The following RAD21 variants were observed in gnomAD, a reference collection of about 807,000 sequenced individuals.
The protein encoded by RAD21 is RAD21 cohesin complex component.
A neutral mutation model predicts 71.5 loss-of-function variants in RAD21; 18 were observed. The ratio of observed to expected loss-of-function variants is 0.25; its 90% confidence interval spans 0.17 to 0.37. The LOEUF (loss-of-function observed/expected upper bound fraction) is 0.37. RAD21 is among the 10% of genes least tolerant of loss of function. The probability of loss-of-function intolerance (pLI) is 1.00; values close to 1 mark genes in which losing one functional copy is unlikely to be tolerated. For missense variants in RAD21, 493 were observed against 769.1 expected, an observed-to-expected ratio of 0.64 and a Z score of 4.25; for synonymous variants, 248 against 254.0, an observed-to-expected ratio of 0.98 and a Z score of 0.22.
rs993299167 is a variant in RAD21, at chr8:116,847,261, T to G, written c.*239A>C. On this transcript the variant is annotated 3_prime_UTR_variant, in exon 14 of 14. Coordinates refer to ENST00000297338, the MANE Select transcript of RAD21 (RefSeq NM_006265.3). ...TCTGTTCTGAACTGTTAAAATCATC[T>G]TCTGAGTCCTTGGGGTGCTGTTTTC... The G allele has an allele frequency of 1.6e-5, 7 of 431,448 alleles. No individual in the cohort carries two copies. The highest frequency in any genetic ancestry group is 2.9e-5 in the Non-Finnish European group (7 of 242,472). 26.7% of individuals were successfully genotyped at this position (431,448 alleles called of 1,614,324 possible).
At chr8:116,853,940 T>G (rs1488811914) in intron 9 of RAD21, among the ~76,000 whole-genome samples, 1 of 152,184 alleles carries the variant, frequency 6.6e-6, no homozygotes, top group African/African-American at 2.4e-5. Context: ...ATTTCAAGAA[T>G]TCAGATGTAA....
At chr8:116,848,224 T>G (rs893961401) in intron 13 of RAD21, among the ~76,000 whole-genome samples, 6 of 152,220 alleles carry the variant, frequency 3.9e-5, no homozygotes, top group Admixed American at 2.6e-4. Flanking sequence ...GGACAAAGAT[T>G]GCACTTTTTT....
chr8:116,851,378 A>G (rs1260770327), intron 11 of RAD21: 1 of 152,252 alleles, frequency 6.6e-6, no homozygotes, highest in East Asian at 1.9e-4. Context: ...TTGGCAGAGT[A>G]TTCTTGATGG....
At chr8:116,854,799 T>G (rs917643531) in intron 8 of RAD21, among the ~76,000 whole-genome samples, 1 of 152,230 alleles carries the variant, frequency 6.6e-6, no homozygotes, top group Non-Finnish European at 1.5e-5. Flanking sequence ...TCTTCAGAGT[T>G]GGGCTCATTT....
In RAD21 at chr8:116,847,632, C is replaced by A. The variant is rs200021994; in HGVS notation, c.1764G>T (p.Thr588=). The change falls in exon 14 of 14, where the codon ACG becomes ACT. Residue 588 remains threonine (T), a synonymous_variant. Transcript: ENST00000297338. ...ACTTTGCGGCAGCTTGTTTTCTGTTCGTATTTCGACATAACTCAAGCAAAC... is the reference window on the plus strand; with the variant it reads ...ACTTTGCGGCAGCTTGTTTTCTGTTAGTATTTCGACATAACTCAAGCAAAC... ...SISLLELCRN[T]NRKQAAAKFY... is the part of the protein sequence containing the mutation. The A allele has an allele frequency of 2.2e-5, 36 of 1,613,840 alleles. No homozygotes were observed. In the South Asian group the frequency reaches 3.7e-4, roughly 17 times the overall value.
In RAD21 at chr8:116,853,076, C is replaced by A. The variant is rs550091024; in HGVS notation, c.1162-368G>T. 2.0e-5 allele frequency among the ~76,000 whole-genome samples: 3 copies of A among 152,104 alleles called. No individual in the cohort carries two copies. The South Asian group carries it at 6.2e-4, about 32-fold the overall frequency. On this transcript the variant is annotated intron_variant, in intron 9 of 13. Coordinates refer to ENST00000297338, the MANE Select transcript of RAD21 (RefSeq NM_006265.3). The stretch of plus-strand genomic sequence containing the variant: ...TACATATGGTAACCTTATTAGCTAT[C>A]ATTTAAACTATTTTTTTTTTGAGAT...
chr8:116,857,584 T>A, intron 5 of RAD21, 111 bp from the exon 6 acceptor site: 6 of 895,816 alleles, frequency 6.7e-6, no homozygotes, highest in African/African-American at 1.7e-5. Flanking sequence ...TACTGAAGTC[T>A]TACTTCAAAT....
At chr8:116,868,481 A>G (rs1812743034) in intron 1 of RAD21, among the ~76,000 whole-genome samples, 1 of 152,208 alleles carries the variant, frequency 6.6e-6, no homozygotes, top group South Asian at 2.1e-4. Context: ...TTTGGTGAAC[A>G]TTAAGTTTTC....
intron 7 of RAD21, 63 bp downstream of exon 7, chr8:116,856,583 T>A (rs1052918210): frequency 4.7e-6 from 7 of 1,485,016 alleles, no homozygotes; most frequent in Non-Finnish European, 6.3e-6. Context: ...TCATCTTCTA[T>A]GGTAAGTATC....
intron 9 of RAD21, 38 bp downstream of exon 9, chr8:116,854,207 A>G: frequency 6.8e-7 from 1 of 1,476,524 alleles, no homozygotes; most frequent in Non-Finnish European, 9.3e-7. Flanking sequence ...TAGATGCTCA[A>G]AATGTATATG....
intron 1 of RAD21, among the ~76,000 whole-genome samples, chr8:116,872,949 T>C (rs544384952): frequency 6.6e-6 from 1 of 152,208 alleles, no homozygotes; most frequent in Non-Finnish European, 1.5e-5. Flanking sequence ...TTTGTAACGG[T>C]GAATAAGTTA....
In RAD21 at chr8:116,854,277, C is replaced by A. The variant is rs754371615; in HGVS notation, c.1129G>T (p.Ala377Ser). 10 of 1,613,346 alleles carry A rather than the reference C, an allele frequency of 6.2e-6. No individual in the cohort carries two copies. In the South Asian group the frequency reaches 1.1e-4, roughly 18 times the overall value. Reference sequence around the variant, plus strand: ...AGTCTGTTATTCCACAAAGGCTGAGCAGGTAAAGAAAACAGTTTTTCTACT... The same window carrying A: ...AGTCTGTTATTCCACAAAGGCTGAGAAGGTAAAGAAAACAGTTTTTCTACT... ...GGVEKLFSLP[A>S]QPLWNNRLLK... Residue 377 changes from alanine (A) to serine (S), a missense_variant, in exon 9 of 14, where the codon GCT becomes TCT. Physicochemically the swap from Ala to Ser is moderately conservative, Grantham distance 99. Coordinates refer to ENST00000297338, the MANE Select transcript of RAD21 (RefSeq NM_006265.3).
chr8:116,856,774 GA>G lies in RAD21; in HGVS notation c.689-4del, dbSNP rs772388827. On this transcript the variant is annotated splice_polypyrimidine_tract_variant and splice_region_variant and intron_variant, in intron 6 of 13. Coordinates refer to ENST00000297338, the MANE Select transcript of RAD21 (RefSeq NM_006265.3). ...ATTATTACTAATAAGTTTGTCATCT[GA>G]AATAGGGAATGTAAGTTAGTTATAA... The G allele has an allele frequency of 1.2e-4, 177 of 1,502,536 alleles. No homozygotes were observed. The highest frequency in any genetic ancestry group is 1.6e-4 in the Non-Finnish European group (174 of 1,119,060). The allele number at this position is 1,502,536 out of a possible 1,614,324, so 93.1% of individuals were successfully genotyped here.
intron 8 of RAD21, among the ~76,000 whole-genome samples, chr8:116,855,862 A>T (rs1351544983): frequency 1.3e-5 from 2 of 152,206 alleles, no homozygotes; most frequent in African/African-American, 4.8e-5. Flanking sequence ...GGAGACTAAG[A>T]TATGCATTAT....
chr8:116,861,369 ATG>A (rs954914723), intron 4 of RAD21, among the ~76,000 whole-genome samples: 11 of 151,070 alleles, frequency 7.3e-5, no homozygotes, highest in African/African-American at 2.7e-4. Context: ...CTCCTCTCAA[ATG>A]TGTGTCATGA....
intron 9 of RAD21, among the ~76,000 whole-genome samples, chr8:116,853,998 T>C (rs1377085422): frequency 4.6e-5 from 7 of 152,132 alleles, no homozygotes; most frequent in African/African-American, 1.7e-4. Flanking sequence ...AGAGAAGTAT[T>C]ATTAAACACG....
chr8:116,861,654 T>G (rs1812596312), intron 4 of RAD21, among the ~76,000 whole-genome samples, 187 bp downstream of exon 4: 1 of 152,026 alleles, frequency 6.6e-6, no homozygotes, highest in Admixed American at 6.6e-5. Context: ...GACATCCACA[T>G]GATTTTCTTA....
chr8:116,851,911 C>A (rs550902584), intron 11 of RAD21, 37 bp downstream of exon 11: 11 of 1,576,760 alleles, frequency 7.0e-6, no homozygotes, highest in African/African-American at 1.3e-5. Context: ...TGTATGAATA[C>A]CTTCAAATGA....
intron 9 of RAD21, 42 bp from the exon 10 acceptor site, chr8:116,852,750 A>G: frequency 7.4e-7 from 1 of 1,352,932 alleles, no homozygotes. Flanking sequence ...TTATAAAATA[A>G]ATCTAATTAA....
Sources: gnomAD v4.1 joint callset for allele counts (sites outside exome capture counted in the v4.1 genomes callset) on GRCh38, gnomAD v4.1.1 for gene constraint, MANE v1.5 for transcripts, NCBI Gene and HGNC (gene_info 2026-07-23, HGNC 2026-07-21) for gene names.